MARCHF7: variants seen among roughly 807,000 people sequenced by gnomAD.
MARCHF7 encodes membrane associated ring-CH-type finger 7.
MARCHF7 carries 20 observed loss-of-function variants against 76.5 expected under a neutral mutation model. That is an observed-to-expected ratio of 0.26 (90% CI 0.18 to 0.38). MARCHF7 has a LOEUF of 0.38. Among genes scored for constraint, MARCHF7 ranks in the 10% least tolerant of loss-of-function variants. The pLI is 1.00. For missense variants in MARCHF7, 797 were observed against 812.9 expected, an observed-to-expected ratio of 0.98 and a Z score of 0.24; for synonymous variants, 295 against 293.0, an observed-to-expected ratio of 1.01 and a Z score of -0.07.
rs748671034 is a variant in MARCHF7 at position 159,747,823 on chromosome 2, C to T, written c.533C>T (p.Pro178Leu). ...AAAATAGATGTTCAAGACAGAGTTC[C>T]TTCATATTCACAAGGAGCAAGACCA... ...TTSSYVQDRV[P>L]SYSQGARPKE... is the part of the protein sequence containing the mutation. The change falls in exon 7 of 12, where the codon CCT becomes CTT. Residue 178 changes from proline to leucine, a missense_variant. Pro to Leu is a moderately conservative substitution (Grantham distance 98). Around this residue, in one of 3 missense-constraint regions of MARCHF7, gnomAD observed 643 missense variants for 631.5 expected, o/e 1.02. Transcript: ENST00000409175. 3.8e-6 allele frequency: 6 copies of T among 1,583,026 alleles called. No homozygotes were observed. Among genetic ancestry groups the T allele is most frequent in the Non-Finnish European group, 5.1e-6 (6 of 1,169,624 alleles).
intron 8 of MARCHF7, among the ~76,000 whole-genome samples, chr2:159,757,608 A>G (rs181575095): frequency 3.3e-5 from 5 of 152,326 alleles, no homozygotes; most frequent in African/African-American, 1.2e-4. Context: ...ATGCCACTGC[A>G]CTCCAGGCTA....
At chr2:159,755,428 G>A (rs1706174708) in intron 8 of MARCHF7, among the ~76,000 whole-genome samples, 1 of 152,148 alleles carries the variant, frequency 6.6e-6, no homozygotes, top group Admixed American at 6.5e-5. Flanking sequence ...GCCAGGTGCT[G>A]AAGTCATTAA....
At chr2:159,759,654 T>G (rs1706770710) in intron 9 of MARCHF7, among the ~76,000 whole-genome samples, 1 of 152,144 alleles carries the variant, frequency 6.6e-6, no homozygotes, top group Non-Finnish European at 1.5e-5. Context: ...TTTTCTTTAC[T>G]GAAGGAAAAT....
intron 4 of MARCHF7, among the ~76,000 whole-genome samples, chr2:159,730,025 G>C (rs1221868555): frequency 1.3e-5 from 2 of 152,054 alleles, no homozygotes; most frequent in Non-Finnish European, 2.9e-5. Context: ...GTTTGTATTG[G>C]TATGTCCATC....
At chr2:159,766,375 T>C (rs1370889198) in intron 11 of MARCHF7, among the ~76,000 whole-genome samples, 1 of 152,200 alleles carries the variant, frequency 6.6e-6, no homozygotes, top group Non-Finnish European at 1.5e-5. Flanking sequence ...GCATAGTTTT[T>C]CTGTGCTTTG....
rs141659304 is a variant in MARCHF7 at position 159,748,257 on chromosome 2, G to A, written c.967G>A (p.Ala323Thr). The stretch of plus-strand genomic sequence containing the variant: ...TTACGTTTCTCCAAGAATCTTGACA[G>A]CTTCACAGTCCCGTAGTAATGTACC... The part of the protein sequence containing the change: ...NSYVSPRILT[A>T]SQSRSNVPSA... The change falls in exon 7 of 12, where the codon GCT becomes ACT. Residue 323 changes from alanine (A) to threonine (T), a missense_variant. Physicochemically the swap from Ala to Thr is moderately conservative, Grantham distance 58. Around this residue, in one of 3 missense-constraint regions of MARCHF7, gnomAD observed 643 missense variants for 631.5 expected, o/e 1.02. Coordinates refer to ENST00000409175, the MANE Select transcript of MARCHF7 (RefSeq NM_001282805.2). The A allele has an allele frequency of 0.028, 44,554 of 1,613,720 alleles. 742 individuals are homozygous for A. The highest frequency in any genetic ancestry group is 0.039 in the Admixed American group (2,351 of 59,990).
In MARCHF7 at chr2:159,732,916, GTAAGATGAACAAGATTGTTC is replaced by G. The variant is rs1454409711; in HGVS notation, c.153+3742_153+3761del. 7 of 985,132 alleles carry G rather than the reference GTAAGATGAACAAGATTGTTC, an allele frequency of 7.1e-6. No individual in the cohort carries two copies. In the African/African-American group the frequency reaches 1.2e-4, roughly 17 times the overall value. The allele number at this position is 985,132 out of a possible 1,614,324, so 61.0% of individuals were successfully genotyped here. On this transcript the variant is annotated intron_variant, in intron 4 of 11. Transcript: ENST00000409175. ...ATACAGCCACATCTATATGTGAGAT[GTAAGATGAACAAGATTGTTC>G]ATCTTAATTGTTAAGATTAATTGAA...
Position 159,770,633 on chromosome 2 carries a change from T to G in MARCHF7, c.*3291T>G, listed in dbSNP as rs908499582. 2 of 152,200 alleles carry G rather than the reference T, an allele frequency of 1.3e-5. No individual in the cohort carries two copies. Among genetic ancestry groups the G allele is most frequent in the Non-Finnish European group, 2.9e-5 (2 of 68,016 alleles). The allele number at this position is 152,200 out of a possible 1,614,324, so 9.4% of individuals were successfully genotyped here. A position where few individuals can be genotyped will look rare whatever the true frequency, so the allele number is the denominator to read the frequency against. Reference sequence around the variant, plus strand: ...ACTTCAGTCAGTAATGGACCACATATAGAACAGTGTTTCCTTAGTAGACCA... The same window carrying G: ...ACTTCAGTCAGTAATGGACCACATAGAGAACAGTGTTTCCTTAGTAGACCA... On this transcript the variant is annotated 3_prime_UTR_variant, in exon 12 of 12. Transcript: ENST00000409175.
At chr2:159,756,224 A>T (rs1343747226) in intron 8 of MARCHF7, among the ~76,000 whole-genome samples, 1 of 152,202 alleles carries the variant, frequency 6.6e-6, no homozygotes, top group African/African-American at 2.4e-5. Flanking sequence ...GATATGGAGG[A>T]AAACAGATAA....
At position 159,747,920 on chromosome 2, in the gene MARCHF7, G is replaced by C. The variant is rs997689327; in HGVS notation, c.630G>C (p.Gln210His). ...ACCACCAATTGCCTTCTGAACATCA[G>C]ACCATACTAAGTTCTAGGGACTCCA... ...STNHQLPSEH[Q>H]TILSSRDSRN... The change falls in exon 7 of 12, where the codon CAG becomes CAC. Residue 210 changes from glutamine (Q) to histidine (H), a missense_variant. Transcript: ENST00000409175. 6.2e-7 allele frequency: 1 copy of C among 1,614,066 alleles called. No individual in the cohort carries two copies. Among genetic ancestry groups the C allele is most frequent in the Non-Finnish European group, 8.5e-7 (1 of 1,180,010 alleles).
intron 9 of MARCHF7, among the ~76,000 whole-genome samples, chr2:159,761,255 C>T (rs1707026715): frequency 6.6e-6 from 1 of 151,758 alleles, no homozygotes; most frequent in Admixed American, 6.6e-5. Flanking sequence ...AACTCCTGAC[C>T]TCAGGTGAGC....
At chr2:159,732,018 G>A (rs1391546436) in intron 4 of MARCHF7, among the ~76,000 whole-genome samples, 2 of 151,878 alleles carry the variant, frequency 1.3e-5, no homozygotes, top group Non-Finnish European at 2.9e-5. Flanking sequence ...GCAGGAGAAT[G>A]GCATGAACCC....
rs141446988 is a variant in MARCHF7, at chr2:159,748,378, A to G, written c.1088A>G (p.Asn363Ser). ...TGGGGTTTGTCATCTCTTAGCCACA[A>G]TCATAGCTCTGAGTCAGATTCAGAA... ...RRWGLSSLSHNHSSESDSENF... is the reference protein window; with the variant it reads ...RRWGLSSLSHSHSSESDSENF... The change falls in exon 7 of 12, where the codon AAT (asparagine) becomes AGT (serine). Residue 363 changes from asparagine to serine, a missense_variant. Asn to Ser is a conservative substitution (Grantham distance 46, BLOSUM62 1). Around this residue, in one of 3 missense-constraint regions of MARCHF7, gnomAD observed 643 missense variants for 631.5 expected, o/e 1.02. Coordinates refer to ENST00000409175, the MANE Select transcript of MARCHF7 (RefSeq NM_001282805.2). The G allele has an allele frequency of 7.3e-5, 118 of 1,613,770 alleles. 1 individual carries two copies. Among genetic ancestry groups the G allele is most frequent in the Middle Eastern group, 1.6e-4 (1 of 6,084 alleles).
rs181146739 is a variant in MARCHF7 at position 159,715,161 on chromosome 2, A to G, written c.-100-520A>G. On this transcript the variant is annotated intron_variant, in intron 2 of 11. Coordinates refer to ENST00000409175, the MANE Select transcript of MARCHF7 (RefSeq NM_001282805.2). ...GAAGCTTTTAACTGTTAAATAAGTG[A>G]ATCAACTGATCACATTAGAATGATT... Among the ~76,000 whole-genome samples the G allele has an allele frequency of 2.6e-5, 4 of 152,336 alleles. No individual in the cohort carries two copies. The East Asian group carries it at 7.7e-4, about 29-fold the overall frequency.
At chr2:159,759,988 T>A (rs1706831265) in intron 9 of MARCHF7, among the ~76,000 whole-genome samples, 1 of 152,150 alleles carries the variant, frequency 6.6e-6, no homozygotes, top group Admixed American at 6.6e-5. Flanking sequence ...CTCCCCTCTT[T>A]TATTATATTG....
chr2:159,722,612 A>C (rs752881741), intron 3 of MARCHF7, among the ~76,000 whole-genome samples: 1 of 152,136 alleles, frequency 6.6e-6, no homozygotes, highest in Non-Finnish European at 1.5e-5. Flanking sequence ...GTATCCAAAA[A>C]ACTTGGTTAA....
At chr2:159,748,987 T>TTTTTC in intron 7 of MARCHF7, 84 bp downstream of exon 7, 2 of 1,232,338 alleles carry the variant, frequency 1.6e-6, no homozygotes, top group Non-Finnish European at 2.1e-6. Context: ...TCTTTTTTTT[T>TTTTTC]TTTTTTTTTG....
At chr2:159,764,795 C>A in intron 11 of MARCHF7, 121 bp downstream of exon 11, 1 of 546,612 alleles carries the variant, frequency 1.8e-6, no homozygotes, top group South Asian at 5.3e-5. Context: ...CTTAGTAATA[C>A]CAAAATGATT....
chr2:159,756,709 AAAAAACAGAT>A (rs1283268867), intron 8 of MARCHF7, among the ~76,000 whole-genome samples: 13 of 139,924 alleles, frequency 9.3e-5, no homozygotes, highest in African/African-American at 3.9e-4. Flanking sequence ...AAAAAAAAAA[AAAAAACAGAT>A]GATTCAGATT....
Sources: gnomAD v4.1 joint callset for allele counts (sites outside exome capture counted in the v4.1 genomes callset) on GRCh38, gnomAD v4.1.1 for gene constraint, gnomAD v4.1.1 regional missense constraint, MANE v1.5 for transcripts, NCBI Gene and HGNC (gene_info 2026-07-23, HGNC 2026-07-21) for gene names.